ST13: variants seen among roughly 807,000 people sequenced by gnomAD.
The protein encoded by ST13 is ST13 Hsp70 interacting protein.
A neutral mutation model predicts 56.7 loss-of-function variants in ST13; 23 were observed. The ratio of observed to expected loss-of-function variants is 0.41; its 90% confidence interval spans 0.29 to 0.57. The LOEUF is 0.57. Ranked by LOEUF, ST13 falls within the 20% of genes least tolerant of loss-of-function variation. The pLI, the probability that ST13 is intolerant of heterozygous loss-of-function variation, is 0.36. For missense variants in ST13, 369 were observed against 459.9 expected, an observed-to-expected ratio of 0.80 and a Z score of 1.81; for synonymous variants, 132 against 142.4, an observed-to-expected ratio of 0.93 and a Z score of 0.52.
chr22:40,828,971 G>T (rs1009954802), intron 10 of ST13, among the ~76,000 whole-genome samples: 1 of 152,212 alleles, frequency 6.6e-6, no homozygotes, highest in Non-Finnish European at 1.5e-5. Flanking sequence ...CTAAAACAAA[G>T]ATATCTGACA....
At chr22:40,849,295 G>C (rs975317877) in intron 2 of ST13, among the ~76,000 whole-genome samples, 1 of 151,830 alleles carries the variant, frequency 6.6e-6, no homozygotes, top group Non-Finnish European at 1.5e-5. Flanking sequence ...GGCTAACATG[G>C]TGAAACCCCT....
chr22:40,844,299 A>T (rs1037875288), intron 4 of ST13, among the ~76,000 whole-genome samples: 45 of 152,312 alleles, frequency 3.0e-4, no homozygotes, highest in African/African-American at 1.1e-3. Flanking sequence ...AACTGCTATT[A>T]CTATATTAGA....
chr22:40,835,356 C>T (rs1158283935), intron 7 of ST13: 7 of 428,254 alleles, frequency 1.6e-5, no homozygotes, highest in Non-Finnish European at 2.6e-5. Context: ...TTCCTATATT[C>T]TCACTTCTTC....
intron 4 of ST13, among the ~76,000 whole-genome samples, chr22:40,842,643 G>A (rs180845618): frequency 6.6e-6 from 1 of 152,120 alleles, no homozygotes; most frequent in African/African-American, 2.4e-5. Context: ...ACAAGAAGGA[G>A]GCAATATTTA....
At chr22:40,827,306 G>A (rs1180138908) in intron 10 of ST13, 77 bp from the exon 11 acceptor site, 8 of 1,511,042 alleles carry the variant, frequency 5.3e-6, no homozygotes, top group Non-Finnish European at 7.3e-6. Flanking sequence ...AAAAGTACAG[G>A]TTCAAAGAAT....
At chr22:40,834,659 C>T (rs956471020) in intron 7 of ST13, among the ~76,000 whole-genome samples, 17 of 152,212 alleles carry the variant, frequency 1.1e-4, no homozygotes, top group African/African-American at 3.6e-4. Context: ...TAATGAACCA[C>T]GATTTCCCAC....
chr22:40,840,218 GGAT>G (rs1250945529), intron 5 of ST13, among the ~76,000 whole-genome samples: 1 of 152,132 alleles, frequency 6.6e-6, no homozygotes, highest in Non-Finnish European at 1.5e-5. Flanking sequence ...CACTCTGAGG[GGAT>G]TTACTCAAGA....
chr22:40,832,508 C>A (rs541025902), intron 8 of ST13, 61 bp downstream of exon 8: 5 of 1,218,514 alleles, frequency 4.1e-6, no homozygotes, highest in Non-Finnish European at 6.0e-6. Context: ...CTGTCGGGGG[C>A]TAAGCACTAC....
In ST13 at chr22:40,856,596, C is replaced by A. The variant is rs1197979059; in HGVS notation, c.-56G>T. 9 of 1,487,208 alleles carry A rather than the reference C, an allele frequency of 6.1e-6. No individual in the cohort carries two copies. The highest frequency in any genetic ancestry group is 2.3e-4 in the Middle Eastern group (1 of 4,268). The allele number at this position is 1,487,208 out of a possible 1,614,324, so 92.1% of individuals were successfully genotyped here. On this transcript the variant is annotated 5_prime_UTR_variant, in exon 1 of 12. Coordinates refer to ENST00000216218, the MANE Select transcript of ST13 (RefSeq NM_003932.5). ...GCTACGGCCCGGTTCCAGGCCCAGG[C>A]GCTGGCTCGGCGTGACCGCGCAGAA...
chr22:40,843,968 T>C (rs1164077926), intron 4 of ST13, among the ~76,000 whole-genome samples: 1 of 151,916 alleles, frequency 6.6e-6, no homozygotes, highest in Non-Finnish European at 1.5e-5. Flanking sequence ...CTGCAACCTC[T>C]GCCTCCTGGG....
chr22:40,852,081 A>G (rs1449483455), intron 1 of ST13, among the ~76,000 whole-genome samples: 1 of 152,168 alleles, frequency 6.6e-6, no homozygotes, highest in Non-Finnish European at 1.5e-5. Context: ...CCACACTTAC[A>G]TTCATTTCAG....
At chr22:40,833,201 TG>T (rs2057761917) in intron 7 of ST13, among the ~76,000 whole-genome samples, 1 of 152,184 alleles carries the variant, frequency 6.6e-6, no homozygotes, top group Non-Finnish European at 1.5e-5. Flanking sequence ...AACATTTAAA[TG>T]CTTTACATAC....
intron 10 of ST13, among the ~76,000 whole-genome samples, 165 bp downstream of exon 10, chr22:40,829,461 T>C (rs753588727): frequency 2.6e-5 from 4 of 152,226 alleles, no homozygotes; most frequent in African/African-American, 9.6e-5. Context: ...AAAAACATCA[T>C]TTTTATGCCT....
At chr22:40,832,807 C>T (rs1380178500) in intron 7 of ST13, 136 bp from the exon 8 acceptor site, 3 of 643,832 alleles carry the variant, frequency 4.7e-6, no homozygotes, top group Non-Finnish European at 8.0e-6. Flanking sequence ...TTTCACTAAC[C>T]AATTCAATTA....
intron 10 of ST13, among the ~76,000 whole-genome samples, chr22:40,827,624 C>T (rs747436408): frequency 6.6e-5 from 10 of 151,914 alleles, no homozygotes; most frequent in Admixed American, 5.2e-4. Context: ...ACTACAGGCA[C>T]GCACCACTAT....
chr22:40,851,174 T>C (rs1013249422), intron 1 of ST13, among the ~76,000 whole-genome samples: 3 of 152,214 alleles, frequency 2.0e-5, no homozygotes, highest in African/African-American at 7.2e-5. Context: ...GGCAGATATG[T>C]CAACATGCAA....
intron 9 of ST13, among the ~76,000 whole-genome samples, chr22:40,830,309 T>G (rs1316366010): frequency 6.6e-6 from 1 of 152,184 alleles, no homozygotes; most frequent in East Asian, 1.9e-4. Context: ...TTCATGTTCT[T>G]TCATTCAATA....
At chr22:40,836,376 C>T (rs1490805122) in intron 5 of ST13, among the ~76,000 whole-genome samples, 2 of 151,874 alleles carry the variant, frequency 1.3e-5, no homozygotes, top group Admixed American at 6.6e-5. Context: ...ACCCGGGAGG[C>T]GGAGCTTCCA....
chr22:40,828,432 G>A (rs995307532), intron 10 of ST13, among the ~76,000 whole-genome samples: 26 of 142,604 alleles, frequency 1.8e-4, no homozygotes, highest in African/African-American at 6.2e-4. Flanking sequence ...GTGAAACCCC[G>A]TCTCTACTAA....
Sources: allele counts gnomAD v4.1 joint callset (sites outside exome capture counted in the v4.1 genomes callset), GRCh38; gene constraint gnomAD v4.1.1; transcripts MANE v1.5; gene names NCBI Gene and HGNC (gene_info 2026-07-23, HGNC 2026-07-21).